The following FCRLA variants were observed in gnomAD, a reference collection of about 807,000 sequenced individuals.
FCRLA encodes Fc receptor-like A.
Under a neutral mutation model 28.4 loss-of-function variants are expected in FCRLA, and 26 were observed. The observed-to-expected ratio is 0.91, with a 90% CI of 0.67 to 1.27. The LOEUF is 1.27. FCRLA is among the 50% of genes most tolerant of loss of function. The probability of loss-of-function intolerance (pLI) is 0.00; values close to 1 mark genes in which losing one functional copy is unlikely to be tolerated. For missense variants in FCRLA, 422 were observed against 433.1 expected, an observed-to-expected ratio of 0.97 and a Z score of 0.23; for synonymous variants, 174 against 168.5, an observed-to-expected ratio of 1.03 and a Z score of -0.25.
chr1:161,712,264 A>C, intron 4 of FCRLA, 46 bp downstream of exon 4: 1 of 1,573,586 alleles, frequency 6.4e-7, no homozygotes, highest in Non-Finnish European at 8.6e-7. Flanking sequence ...CATGCGTGTG[A>C]GTGAAAAGGA....
chr1:161,708,107 A>G (rs1041247080), intron 1 of FCRLA, among the ~76,000 whole-genome samples: 1 of 152,166 alleles, frequency 6.6e-6, no homozygotes. Flanking sequence ...AGACATATCT[A>G]CCTACATATC....
In FCRLA at chr1:161,711,318, G is replaced by A; in HGVS notation, c.343G>A (p.Asp115Asn). ...WPLTQVTFYRDGSALGPPGPN... is the reference protein window; with the variant it reads ...WPLTQVTFYRNGSALGPPGPN... ...ACTGACTCAGGTGACCTTCTACCGA[G>A]ATGGCTCAGCTCTGGGTCCCCCCGG... Residue 115 changes from aspartate to asparagine, a missense_variant, in exon 3 of 5, where the codon GAT becomes AAT. Physicochemically the swap from Asp to Asn is conservative, Grantham distance 23. This residue lies in a region of FCRLA where 231 missense variants were observed against 214.6 expected (regional missense o/e 1.08). Transcript: ENST00000236938. 1 of 1,614,228 alleles carries A rather than the reference G, an allele frequency of 6.2e-7. No homozygotes were observed. Among genetic ancestry groups the A allele is most frequent in the Non-Finnish European group, 8.5e-7 (1 of 1,180,042 alleles).
chr1:161,711,177 G>T (rs924686920), intron 2 of FCRLA, 31 bp from the exon 3 acceptor site: 1 of 1,589,720 alleles, frequency 6.3e-7, no homozygotes, highest in Non-Finnish European at 8.6e-7. Context: ...GGAGGCCCTG[G>T]GTGACACTCA....
At chr1:161,707,864 A>G (rs181302686) in intron 1 of FCRLA, among the ~76,000 whole-genome samples, 173 of 152,140 alleles carry the variant, frequency 1.1e-3, no homozygotes, top group South Asian at 9.1e-3. Context: ...TCCTTGTACT[A>G]CATGGACTTC....
intron 1 of FCRLA, among the ~76,000 whole-genome samples, chr1:161,707,914 C>T (rs1302810473): frequency 6.6e-6 from 1 of 152,190 alleles, no homozygotes; most frequent in East Asian, 1.9e-4. Context: ...TCCCCTTAAA[C>T]ACTAGTGTTC....
intron 1 of FCRLA, among the ~76,000 whole-genome samples, chr1:161,709,063 A>G (rs572269615): frequency 6.6e-6 from 1 of 152,302 alleles, no homozygotes; most frequent in South Asian, 2.1e-4. Flanking sequence ...GTAGAATGAA[A>G]ATAATAATAC....
intron 4 of FCRLA, 121 bp downstream of exon 4, chr1:161,712,339 G>C: frequency 4.2e-6 from 5 of 1,194,156 alleles, no homozygotes; most frequent in East Asian, 2.4e-5. Context: ...GGACACAGAG[G>C]GGGCAGGAAC....
chr1:161,713,629 C>A lies in FCRLA; in HGVS notation c.*249C>A. 1 of 389,002 alleles carries A rather than the reference C, an allele frequency of 2.6e-6. No individual in the cohort carries two copies. The highest frequency in any genetic ancestry group is 4.6e-6 in the Non-Finnish European group (1 of 217,414). 24.1% of individuals were successfully genotyped at this position (389,002 alleles called of 1,614,324 possible). On this transcript the variant is annotated 3_prime_UTR_variant, in exon 5 of 5. Transcript: ENST00000236938. ...GATCAGGAATTTCTATCTGTTATAT[C>A]GACCAGAATGTTGTGATTTAAAGAG...
Position 161,711,201 on chromosome 1 carries a change from A to G in FCRLA, c.233-7A>G, listed in dbSNP as rs1300681108. ...GGGTGACACTCAGCTCTTTCTCTGG[A>G]CCATAGACTGGCTGATCCTCCAAGG... On this transcript the variant is annotated splice_polypyrimidine_tract_variant and splice_region_variant and intron_variant, in intron 2 of 4. Transcript: ENST00000236938. 6.2e-7 allele frequency: 1 copy of G among 1,609,436 alleles called. No individual in the cohort carries two copies. The highest frequency in any genetic ancestry group is 8.5e-7 in the Non-Finnish European group (1 of 1,177,388).
In FCRLA at chr1:161,713,561, T is replaced by C. The variant is rs1683217281; in HGVS notation, c.*181T>C. 4 of 576,638 alleles carry C rather than the reference T, an allele frequency of 6.9e-6. No homozygotes were observed. The highest frequency in any genetic ancestry group is 2.3e-5 in the South Asian group (1 of 43,812). The allele number at this position is 576,638 out of a possible 1,614,324, so 35.7% of individuals were successfully genotyped here. A position where few individuals can be genotyped will look rare whatever the true frequency, so the allele number is the denominator to read the frequency against. On this transcript the variant is annotated 3_prime_UTR_variant, in exon 5 of 5. Coordinates refer to ENST00000236938, the MANE Select transcript of FCRLA (RefSeq NM_032738.4). ...TAAAGTGAGAATTAGAGTTTAGCTA[T>C]AATTGTGTATTCTCTCTTAACACAA... is the stretch of plus-strand genomic sequence containing the variant.
At position 161,711,482 on chromosome 1, in the gene FCRLA, C is replaced by T; in HGVS notation, c.499+8C>T. 6.2e-7 allele frequency: 1 copy of T among 1,606,846 alleles called. No homozygotes were observed. Among genetic ancestry groups the T allele is most frequent in the South Asian group, 1.1e-5 (1 of 90,382 alleles). Reference sequence around the variant, plus strand: ...TGGCTATCACAGTCCAAGGTGAGAGCTAGAAGCAGCATTGTCATGGCAGGG... The same window carrying T: ...TGGCTATCACAGTCCAAGGTGAGAGTTAGAAGCAGCATTGTCATGGCAGGG... On this transcript the variant is annotated splice_region_variant and intron_variant, in intron 3 of 4. Coordinates refer to ENST00000236938, the MANE Select transcript of FCRLA (RefSeq NM_032738.4).
rs150889292 is a variant in FCRLA, at chr1:161,712,625, T to C, written c.784+407T>C. Among the ~76,000 whole-genome samples, 29 of 152,294 alleles carry C rather than the reference T, an allele frequency of 1.9e-4. No individual in the cohort carries two copies. In the East Asian group the frequency reaches 4.4e-3, roughly 23 times the overall value. The stretch of plus-strand genomic sequence containing the variant: ...CTCCCAGAAGAGGTGTCCAGGGTGA[T>C]AAGGGGGCTTAAAGTCATGTCATAT... On this transcript the variant is annotated intron_variant, in intron 4 of 4. Coordinates refer to ENST00000236938, the MANE Select transcript of FCRLA (RefSeq NM_032738.4).
chr1:161,710,729 T>G (rs369031531), intron 1 of FCRLA, 31 bp from the exon 2 acceptor site: 1 of 1,614,056 alleles, frequency 6.2e-7, no homozygotes, highest in Non-Finnish European at 8.5e-7. Flanking sequence ...ATCATCATTT[T>G]CTGGTTCTCC....
chr1:161,709,053 G>T (rs529709190), intron 1 of FCRLA, among the ~76,000 whole-genome samples: 4 of 152,134 alleles, frequency 2.6e-5, no homozygotes, highest in Non-Finnish European at 5.9e-5. Context: ...TTTCTCATTT[G>T]TAGAATGAAA....
chr1:161,711,729 A>C, intron 3 of FCRLA: 1 of 769,998 alleles, frequency 1.3e-6, no homozygotes, highest in Non-Finnish European at 2.1e-6. Flanking sequence ...GTGTCTGGAC[A>C]ACTATCAGAT....
Position 161,710,920 on chromosome 1 carries a change from C to T in FCRLA, c.232+8C>T. ...ACCTGATTGTGTCCTATGGTGAGGT[C>T]CTGGGAAGGCCTGAGCAGTGCCCCA... On this transcript the variant is annotated splice_region_variant and intron_variant, in intron 2 of 4. Coordinates refer to ENST00000236938, the MANE Select transcript of FCRLA (RefSeq NM_032738.4). The T allele has an allele frequency of 6.2e-7, 1 of 1,612,402 alleles. No individual in the cohort carries two copies.
chr1:161,711,434 G>C lies in FCRLA; in HGVS notation c.459G>C (p.Gly153=). The C allele has an allele frequency of 6.2e-7, 1 of 1,614,208 alleles. No individual in the cohort carries two copies. The highest frequency in any genetic ancestry group is 8.5e-7 in the Non-Finnish European group (1 of 1,180,030). ...CSGIFQSPGP[G]IPETASVVAI... The stretch of plus-strand genomic sequence containing the variant: ...GCATCTTCCAGAGCCCTGGTCCTGG[G>C]ATCCCAGAAACAGCATCTGTTGTGG... The change falls in exon 3 of 5, where the codon GGG becomes GGC. Residue 153 remains glycine (G), a synonymous_variant. Coordinates refer to ENST00000236938, the MANE Select transcript of FCRLA (RefSeq NM_032738.4).
chr1:161,711,850 T>A, intron 3 of FCRLA, 84 bp from the exon 4 acceptor site: 1 of 1,460,442 alleles, frequency 6.8e-7, no homozygotes, highest in Non-Finnish European at 9.2e-7. Flanking sequence ...AAAGGAAGTA[T>A]GACTCCCCAA....
intron 1 of FCRLA, among the ~76,000 whole-genome samples, chr1:161,709,387 C>T (rs949565977): frequency 1.3e-5 from 2 of 152,150 alleles, no homozygotes; most frequent in African/African-American, 4.8e-5. Flanking sequence ...CCACCTCAAC[C>T]TCCCAAAGTG....
Sources: allele counts gnomAD v4.1 joint callset (sites outside exome capture counted in the v4.1 genomes callset), GRCh38; gene constraint gnomAD v4.1.1; regional missense constraint gnomAD v4.1.1; transcripts MANE v1.5; gene names NCBI Gene and HGNC (gene_info 2026-07-23, HGNC 2026-07-21).